The following ADGRE2 variants were observed in gnomAD, a reference collection of about 807,000 sequenced individuals.
The protein encoded by ADGRE2 is adhesion G protein-coupled receptor E2, also known as CD97 antigen.
Under a neutral mutation model 100.8 loss-of-function variants are expected in ADGRE2, and 83 were observed. That is an observed-to-expected ratio of 0.82 (90% CI 0.69 to 0.99). The LOEUF is 0.99. Ranked by LOEUF, ADGRE2 falls within the 50% of genes least tolerant of loss-of-function variation. The pLI is 0.00. For synonymous variants in ADGRE2, 355 were observed against 413.0 expected, an observed-to-expected ratio of 0.86 and a Z score of 1.70; for missense variants, 814 against 1,035.7, an observed-to-expected ratio of 0.79 and a Z score of 2.94.
At position 14,768,137 on chromosome 19, in the gene ADGRE2, G is replaced by A. The variant is rs138086950; in HGVS notation, c.356-1028C>T. ...TCACTGGCTGAGTTATCAGAATCCC[G>A]GTGGCCCTAGCAGGATGGTGCTCTC... On this transcript the variant is annotated intron_variant, in intron 5 of 20. Coordinates refer to ENST00000315576, the MANE Select transcript of ADGRE2 (RefSeq NM_013447.4). 5.8e-3 allele frequency among the ~76,000 whole-genome samples: 876 copies of A among 152,304 alleles called. 10 individuals are homozygous for A. The highest frequency in any genetic ancestry group is 0.02 in the African/African-American group (837 of 41,578).
intron 5 of ADGRE2, 92 bp downstream of exon 5, chr19:14,772,244 CTATACT>C: frequency 6.5e-7 from 1 of 1,532,496 alleles, no homozygotes; most frequent in Non-Finnish European, 9.0e-7. Context: ...GGAACTGAAC[CTATACT>C]TGGGTACCTG....
intron 16 of ADGRE2, among the ~76,000 whole-genome samples, chr19:14,748,312 G>GTTATTTTATTTTATT (rs57224158): frequency 2.6e-5 from 4 of 151,550 alleles, no homozygotes; most frequent in East Asian, 1.9e-4. Context: ...ACATGATCTT[G>GTTATTTTATTTTATT]TTATTTTATT....
In ADGRE2 at chr19:14,766,299, G is replaced by A. The variant is rs770116119; in HGVS notation, c.570C>T (p.Arg190=). 6.2e-7 allele frequency: 1 copy of A among 1,614,156 alleles called. No individual in the cohort carries two copies. The highest frequency in any genetic ancestry group is 1.1e-5 in the South Asian group (1 of 91,076). Residue 190 remains arginine, a synonymous_variant, in exon 7 of 21, where the codon CGC becomes CGT. Coordinates refer to ENST00000315576, the MANE Select transcript of ADGRE2 (RefSeq NM_013447.4). The part of the protein sequence containing the change: ...CLNNVGSYQC[R]CRPGWQPIPG... ...GAATCGGTTGCCAGCCCGGGCGGCAGCGGCACTGATAGCTGCCCACGTTGT... is the reference window on the plus strand; with the variant it reads ...GAATCGGTTGCCAGCCCGGGCGGCAACGGCACTGATAGCTGCCCACGTTGT...
chr19:14,728,004 C>T (rs978499307), downstream of ADGRE2, among the ~76,000 whole-genome samples: 2 of 152,126 alleles, frequency 1.3e-5, no homozygotes, highest in East Asian at 1.9e-4. Context: ...AGGTGGATCA[C>T]GAGGTCAGGA....
chr19:14,746,654 C>G (rs1418255757), intron 17 of ADGRE2, among the ~76,000 whole-genome samples: 1 of 152,194 alleles, frequency 6.6e-6, no homozygotes, highest in African/African-American at 2.4e-5. Flanking sequence ...TGAGCCACCA[C>G]ACCGGGCCTG....
At chr19:14,768,460 G>A (rs2044073641) in intron 5 of ADGRE2, among the ~76,000 whole-genome samples, 3 of 152,220 alleles carry the variant, frequency 2.0e-5, no homozygotes, top group African/African-American at 7.2e-5. Flanking sequence ...GGGCACAGAT[G>A]CTGATGGGCA....
chr19:14,738,068 T>A (rs2042811541), intron 20 of ADGRE2, among the ~76,000 whole-genome samples: 1 of 152,048 alleles, frequency 6.6e-6, no homozygotes, highest in Admixed American at 6.6e-5. Context: ...GAGAATAATT[T>A]GAATGTTATT....
downstream of ADGRE2, chr19:14,732,249 G>A (rs567347463): frequency 1.3e-5 from 2 of 152,112 alleles, no homozygotes; most frequent in South Asian, 4.1e-4. Flanking sequence ...AACAGCATGT[G>A]CTCACTTTGT....
chr19:14,749,205 G>A (rs1002786613), intron 16 of ADGRE2, among the ~76,000 whole-genome samples: 4 of 144,804 alleles, frequency 2.8e-5, no homozygotes, highest in African/African-American at 1.0e-4. Flanking sequence ...TAATTATAAT[G>A]TGATCATATA....
At chr19:14,772,890 C>T (rs921135863) in intron 4 of ADGRE2, among the ~76,000 whole-genome samples, 1 of 150,470 alleles carries the variant, frequency 6.6e-6, no homozygotes, top group East Asian at 1.9e-4. Context: ...GACCAGCCTG[C>T]CAACAGGGCA....
chr19:14,748,474 A>G (rs970649993), intron 16 of ADGRE2, among the ~76,000 whole-genome samples: 6 of 152,016 alleles, frequency 3.9e-5, no homozygotes, highest in African/African-American at 1.4e-4. Context: ...ACGCCCAGCT[A>G]ACTTTTGTAT....
intron 15 of ADGRE2, among the ~76,000 whole-genome samples, chr19:14,751,918 T>C (rs1465892845): frequency 1.2e-3 from 67 of 56,950 alleles, no homozygotes; most frequent in East Asian, 2.3e-3. Context: ...CACACATATA[T>C]ATATATATAT....
intron 16 of ADGRE2, among the ~76,000 whole-genome samples, chr19:14,748,783 T>C (rs1329686354): frequency 1.3e-5 from 2 of 152,082 alleles, no homozygotes; most frequent in Admixed American, 6.6e-5. Context: ...CCAAATCTTC[T>C]ACGAGGCCAG....
chr19:14,743,278 A>G (rs752646895), intron 20 of ADGRE2, 142 bp downstream of exon 20: 49 of 704,312 alleles, frequency 7.0e-5, no homozygotes, highest in Non-Finnish European at 1.2e-4. Flanking sequence ...ATCATTGCTA[A>G]TGGTTAATGA....
In ADGRE2 at chr19:14,758,884, C is replaced by CA. The variant is rs77345554; in HGVS notation, c.1085-2540dup. 8.8e-4 allele frequency among the ~76,000 whole-genome samples: 97 copies of CA among 110,426 alleles called. 1 individual carries two copies. Among genetic ancestry groups the CA allele is most frequent in the Middle Eastern group, 4.3e-3 (1 of 234 alleles). 72.4% of individuals were successfully genotyped at this position (110,426 alleles called of 152,430 possible). On this transcript the variant is annotated intron_variant, in intron 11 of 20. Coordinates refer to ENST00000315576, the MANE Select transcript of ADGRE2 (RefSeq NM_013447.4). The stretch of plus-strand genomic sequence containing the variant: ...TGCGGGACACAGCACGACTCCGTCT[C>CA]AAAAAAAAAAAAAGGAAAAAGAGAA...
chr19:14,777,204 G>T (rs942428419), intron 1 of ADGRE2: 1 of 496,342 alleles, frequency 2.0e-6, no homozygotes, highest in Non-Finnish European at 2.6e-6. Context: ...GGGCAGGCAC[G>T]CAGGGGCCTT....
chr19:14,758,703 T>C (rs999262994), intron 11 of ADGRE2, among the ~76,000 whole-genome samples: 3 of 151,872 alleles, frequency 2.0e-5, no homozygotes, highest in Admixed American at 6.6e-5. Context: ...GATAACACGG[T>C]GAAACCCCGT....
intron 5 of ADGRE2, among the ~76,000 whole-genome samples, chr19:14,768,204 A>T (rs2044063997): frequency 1.3e-5 from 2 of 152,040 alleles, no homozygotes; most frequent in African/African-American, 4.8e-5. Context: ...AGGCACATGG[A>T]CCAAGACTGG....
chr19:14,770,684 T>C (rs1300817178), intron 5 of ADGRE2, among the ~76,000 whole-genome samples: 5 of 128,322 alleles, frequency 3.9e-5, no homozygotes, highest in African/African-American at 8.8e-5. Flanking sequence ...TTTTTTTTTT[T>C]TTTTTTTTTT....
Sources: gnomAD v4.1 joint callset for allele counts (sites outside exome capture counted in the v4.1 genomes callset) on GRCh38, gnomAD v4.1.1 for gene constraint, MANE v1.5 for transcripts, NCBI Gene and HGNC (gene_info 2026-07-23, HGNC 2026-07-21) for gene names.